The following COL23A1 variants were observed in gnomAD, a reference collection of about 807,000 sequenced individuals.
COL23A1 encodes collagen type XXIII alpha 1 chain, also known as collagen alpha-1(XXIII) chain.
Under a neutral mutation model 99.3 loss-of-function variants are expected in COL23A1, and 97 were observed. That is an observed-to-expected ratio of 0.98 (90% CI 0.83 to 1.16). The LOEUF is 1.16. COL23A1 is among the 50% of genes most tolerant of loss of function. The pLI is 0.00. For synonymous variants in COL23A1, 320 were observed against 308.2 expected, an observed-to-expected ratio of 1.04 and a Z score of -0.40; for missense variants, 762 against 757.4, an observed-to-expected ratio of 1.01 and a Z score of -0.07.
chr5:178,271,717 G>T (rs531524104), intron 5 of COL23A1, among the ~76,000 whole-genome samples: 90 of 152,372 alleles, frequency 5.9e-4, no homozygotes, highest in African/African-American at 2.0e-3. Flanking sequence ...GGAAGGCGGA[G>T]AGGTGGAGAG....
At chr5:178,398,097 C>T (rs1406507133) in intron 2 of COL23A1, among the ~76,000 whole-genome samples, 1 of 152,044 alleles carries the variant, frequency 6.6e-6, no homozygotes, top group Admixed American at 6.5e-5. Flanking sequence ...GCAGAGTGAA[C>T]CCAGTTAACC....
At position 178,288,336 on chromosome 5, in the gene COL23A1, T is replaced by A; in HGVS notation, c.429A>T (p.Arg143=). 6.2e-7 allele frequency: 1 copy of A among 1,611,824 alleles called. No individual in the cohort carries two copies. The highest frequency in any genetic ancestry group is 1.1e-5 in the South Asian group (1 of 91,050). ...GDPGPPGQSG[R]DGYPGPLGLD... is the part of the protein sequence containing the mutation. The stretch of plus-strand genomic sequence containing the variant: ...AATGACAAATTACCGGGTAGCCATC[T>A]CGTCCTGATTGCCCCTGTGGTAATT... The change falls in exon 5 of 29, where the codon CGA becomes CGT. Residue 143 remains arginine, a synonymous_variant. Coordinates refer to ENST00000390654, the MANE Select transcript of COL23A1 (RefSeq NM_173465.4).
chr5:178,351,654 T>C (rs1463384760), intron 2 of COL23A1, among the ~76,000 whole-genome samples: 2 of 152,116 alleles, frequency 1.3e-5, no homozygotes, highest in African/African-American at 2.4e-5. Flanking sequence ...TCTGGGGATC[T>C]CAGATTGGAT....
chr5:178,368,906 C>T (rs920374661), intron 2 of COL23A1, among the ~76,000 whole-genome samples: 4 of 152,248 alleles, frequency 2.6e-5, no homozygotes, highest in South Asian at 2.1e-4. Context: ...CCCTGCACCC[C>T]GAGGGCTGCT....
At chr5:178,311,915 G>C (rs534767011) in intron 2 of COL23A1, among the ~76,000 whole-genome samples, 1 of 152,068 alleles carries the variant, frequency 6.6e-6, no homozygotes, top group African/African-American at 2.4e-5. Flanking sequence ...ATTTTTAGTA[G>C]AGACCGAGTT....
At position 178,452,250 on chromosome 5, in the gene COL23A1, A is replaced by G. The variant is rs144381099; in HGVS notation, c.361+108432T>C. Among the ~76,000 whole-genome samples, 7 of 152,304 alleles carry G rather than the reference A, an allele frequency of 4.6e-5. No individual in the cohort carries two copies. The East Asian group carries it at 1.4e-3, about 29-fold the overall frequency. ...GAGGAAGGTGATACTGCAAACTAAT[A>G]GGGGAAATATATGGAATATTCAATT... is the stretch of plus-strand genomic sequence containing the variant. On this transcript the variant is annotated intron_variant, in intron 2 of 28. Transcript: ENST00000390654.
chr5:178,500,621 C>CA (rs1421997860), intron 2 of COL23A1, among the ~76,000 whole-genome samples: 10 of 113,950 alleles, frequency 8.8e-5, no homozygotes, highest in Non-Finnish European at 1.5e-4. Context: ...CAAACCAAAA[C>CA]AAAAAACAAC....
chr5:178,569,254 T>G (rs1005490194), intron 1 of COL23A1, among the ~76,000 whole-genome samples: 3 of 152,236 alleles, frequency 2.0e-5, no homozygotes, highest in African/African-American at 7.2e-5. Context: ...GTGTGTAGTT[T>G]TGTTGTTGAA....
intron 2 of COL23A1, among the ~76,000 whole-genome samples, chr5:178,363,028 T>TCCACTCCCACAGCAAC (rs1561903297): frequency 2.4e-4 from 21 of 86,768 alleles, no homozygotes; most frequent in Non-Finnish European, 4.4e-4. Context: ...CCCACAGCAA[T>TCCACTCCCACAGCAAC]CCACTCCCAC....
At chr5:178,351,331 C>G (rs967644667) in intron 2 of COL23A1, 2 of 152,418 alleles carry the variant, frequency 1.3e-5, no homozygotes, top group African/African-American at 4.8e-5. Context: ...GGAGCAGGAA[C>G]CACATTTTCT....
In COL23A1 at chr5:178,496,570, C is replaced by T. The variant is rs536857944; in HGVS notation, c.361+64112G>A. On this transcript the variant is annotated intron_variant, in intron 2 of 28. Coordinates refer to ENST00000390654, the MANE Select transcript of COL23A1 (RefSeq NM_173465.4). ...AATGTAAAATATTTATAAACTTTAA[C>T]TTATTTTACTTATAACTTGCCTCTT... Among the ~76,000 whole-genome samples, 4 of 152,268 alleles carry T rather than the reference C, an allele frequency of 2.6e-5. No individual in the cohort carries two copies. In the South Asian group the frequency reaches 8.3e-4, roughly 32 times the overall value.
rs1375109500 is a variant in COL23A1 at position 178,384,522 on chromosome 5, C to A, written c.362-77603G>T. 1.3e-5 allele frequency among the ~76,000 whole-genome samples: 2 copies of A among 152,160 alleles called. No individual in the cohort carries two copies. The highest frequency in any genetic ancestry group is 4.8e-5 in the African/African-American group (2 of 41,448). On this transcript the variant is annotated intron_variant, in intron 2 of 28. Coordinates refer to ENST00000390654, the MANE Select transcript of COL23A1 (RefSeq NM_173465.4). This position sits in a 1 kb window ranked among gnomAD's most constrained non-coding sequence, Gnocchi z 5.5. The stretch of plus-strand genomic sequence containing the variant: ...CGGCGCTGAGTGCATCCCTCTCCAG[C>A]GGCCCACCGGGCACTGTGCAGGGGC...
chr5:178,560,834 A>G (rs1254312978), intron 1 of COL23A1, 86 bp from the exon 2 acceptor site: 2 of 1,342,116 alleles, frequency 1.5e-6, no homozygotes, highest in Admixed American at 2.1e-5. Context: ...ATCAGCAAAA[A>G]CAAATGTATC....
intron 2 of COL23A1, among the ~76,000 whole-genome samples, chr5:178,382,416 C>T (rs1389955713): frequency 1.3e-5 from 2 of 149,990 alleles, no homozygotes; most frequent in African/African-American, 4.9e-5. Context: ...TGGAAACGCC[C>T]CTTCGCCCTC....
intron 6 of COL23A1, 42 bp downstream of exon 6, chr5:178,270,295 C>A: frequency 6.2e-7 from 1 of 1,612,702 alleles, no homozygotes; most frequent in African/African-American, 1.3e-5. Context: ...ACGGTGGCAG[C>A]CCCAGCCCAG....
chr5:178,537,532 G>A (rs1184192927), intron 2 of COL23A1, among the ~76,000 whole-genome samples: 1 of 152,232 alleles, frequency 6.6e-6, no homozygotes, highest in South Asian at 2.1e-4. Context: ...GAGGGAGTCT[G>A]TGGCAGGGGG....
intron 2 of COL23A1, among the ~76,000 whole-genome samples, chr5:178,454,720 C>G (rs1767671520): frequency 6.6e-6 from 1 of 152,254 alleles, no homozygotes; most frequent in Admixed American, 6.5e-5. Flanking sequence ...CCTGTGCAAC[C>G]AGGAAGGCCT....
intron 11 of COL23A1, among the ~76,000 whole-genome samples, chr5:178,260,092 G>A (rs1447206430): frequency 2.0e-5 from 3 of 152,208 alleles, no homozygotes; most frequent in African/African-American, 7.2e-5. Context: ...GCGAGGACCA[G>A]AGCCCGCCTC....
At chr5:178,461,013 C>A (rs477842) in intron 2 of COL23A1, among the ~76,000 whole-genome samples, 67,929 of 151,976 alleles carry the variant, frequency 0.45, 16,194 homozygotes, top group Admixed American at 0.58. Context: ...GATGGCAGCC[C>A]TTTAAGAGAG....
Sources: allele counts gnomAD v4.1 joint callset (sites outside exome capture counted in the v4.1 genomes callset), GRCh38; gene constraint gnomAD v4.1.1; non-coding constraint Gnocchi (gnomAD v3.1); transcripts MANE v1.5; gene names NCBI Gene and HGNC (gene_info 2026-07-23, HGNC 2026-07-21).